Variants in FCRL1 observed in about 807,000 individuals in gnomAD.
FCRL1 encodes the protein Fc receptor-like protein 1.
FCRL1 carries 34 observed loss-of-function variants against 49.2 expected under a neutral mutation model. The ratio of observed to expected loss-of-function variants is 0.69; its 90% confidence interval spans 0.53 to 0.92. The LOEUF (loss-of-function observed/expected upper bound fraction) is 0.92, where lower values mean the gene tolerates loss of function less well. FCRL1 is among the 40% of genes least tolerant of loss of function. The pLI is 0.00. For synonymous variants in FCRL1, 218 were observed against 201.6 expected, an observed-to-expected ratio of 1.08 and a Z score of -0.69; for missense variants, 524 against 524.1, an observed-to-expected ratio of 1.00 and a Z score of 0.00.
intron 2 of FCRL1, among the ~76,000 whole-genome samples, chr1:157,806,303 G>A (rs1028087482): frequency 6.6e-6 from 1 of 152,176 alleles, no homozygotes. Flanking sequence ...AGGGAACTTG[G>A]GAACTTGTGT....
Position 157,801,903 on chromosome 1 carries a change from C to A in FCRL1, c.886+12G>T, listed in dbSNP as rs1474328456. The stretch of plus-strand genomic sequence containing the variant: ...GACATTGACCAAGACAGTTCCATAG[C>A]CTGAGCTATACCTGTGAAGTTGAGT... On this transcript the variant is annotated intron_variant, in intron 5 of 10. Coordinates refer to ENST00000368176, the MANE Select transcript of FCRL1 (RefSeq NM_052938.5). The A allele has an allele frequency of 1.2e-6, 2 of 1,607,342 alleles. No individual in the cohort carries two copies. Among genetic ancestry groups the A allele is most frequent in the Non-Finnish European group, 1.7e-6 (2 of 1,176,606 alleles).
intron 7 of FCRL1, among the ~76,000 whole-genome samples, chr1:157,798,717 A>G (rs1651947241): frequency 6.6e-6 from 1 of 152,198 alleles, no homozygotes; most frequent in African/African-American, 2.4e-5. Context: ...TATTAAAAAG[A>G]CAACTAAACA....
At position 157,802,248 on chromosome 1, in the gene FCRL1, A is replaced by T. The variant is rs12062106; in HGVS notation, c.608-55T>A. On this transcript the variant is annotated intron_variant, in intron 4 of 10. Coordinates refer to ENST00000368176, the MANE Select transcript of FCRL1 (RefSeq NM_052938.5). ...GTCTCTGACAATGCAGCAAACTCAT[A>T]ATCCCTGCCCACCGATGCTCAGCCC... 9.5e-3 allele frequency: 15,069 copies of T among 1,583,588 alleles called. 1,177 individuals carry two copies. In the African/African-American group the frequency reaches 0.17, roughly 18 times the overall value.
intron 1 of FCRL1, among the ~76,000 whole-genome samples, chr1:157,810,631 T>A (rs1654179767): frequency 6.6e-6 from 1 of 152,144 alleles, no homozygotes; most frequent in Non-Finnish European, 1.5e-5. Context: ...TGTCCTGTAT[T>A]TTGATTCTGC....
At chr1:157,797,014 T>C (rs941768011) in intron 10 of FCRL1, 87 bp downstream of exon 10, 104 of 1,389,514 alleles carry the variant, frequency 7.5e-5, no homozygotes, top group Non-Finnish European at 1.0e-4. Context: ...TTTTTGCTCT[T>C]TCTAAGTGGC....
intron 7 of FCRL1, 38 bp from the exon 8 acceptor site, chr1:157,798,281 G>A: frequency 6.6e-7 from 1 of 1,506,194 alleles, no homozygotes; most frequent in Non-Finnish European, 9.1e-7. Flanking sequence ...ATCTGAAATT[G>A]CATCCCAGAT....
chr1:157,800,631 A>G (rs974088983), intron 6 of FCRL1, among the ~76,000 whole-genome samples: 8 of 152,302 alleles, frequency 5.3e-5, no homozygotes, highest in Admixed American at 3.3e-4. Flanking sequence ...AACTCATAAT[A>G]GGAGAGAACA....
rs781633537 is a variant in FCRL1 at position 157,801,497 on chromosome 1, C to G, written c.967G>C (p.Ala323Pro). ...TTGAGGCCGTAGCAAAATAATAAGG[C>G]CACGGTGGCTGGACCAAGGGTGCTG... ...LLSTLGPATV[A>P]LLFCYGLKRK... Residue 323 changes from alanine to proline, a missense_variant, in exon 6 of 11, where the codon GCC (alanine) becomes CCC (proline). Transcript: ENST00000368176. The G allele has an allele frequency of 6.2e-6, 10 of 1,613,804 alleles. No homozygotes were observed. The African/African-American group carries it at 8.0e-5, about 13-fold the overall frequency.
chr1:157,802,012 G>C lies in FCRL1; in HGVS notation c.789C>G (p.Asn263Lys). Residue 263 changes from asparagine (N) to lysine (K), a missense_variant, in exon 5 of 11, where the codon AAC becomes AAG. Physicochemically the swap from Asn to Lys is moderately conservative, Grantham distance 94. Coordinates refer to ENST00000368176, the MANE Select transcript of FCRL1 (RefSeq NM_052938.5). ...CAGAATGTTCTTCAGTCAGGGAAAGGTTGAAGGAGGCTCCTCCTCCAGAGG... is the reference window on the plus strand; with the variant it reads ...CAGAATGTTCTTCAGTCAGGGAAAGCTTGAAGGAGGCTCCTCCTCCAGAGG... Reference protein sequence around the residue: ...SAPSGGGASFNLSLTEEHSGN... With the variant: ...SAPSGGGASFKLSLTEEHSGN... The C allele has an allele frequency of 8.7e-6, 14 of 1,614,226 alleles. No individual in the cohort carries two copies. Among genetic ancestry groups the C allele is most frequent in the Non-Finnish European group, 1.2e-5 (14 of 1,180,032 alleles).
At chr1:157,798,000 C>G in intron 8 of FCRL1, 61 bp from the exon 9 acceptor site, 1 of 1,560,864 alleles carries the variant, frequency 6.4e-7, no homozygotes, top group South Asian at 1.1e-5. Flanking sequence ...TCAAATTACT[C>G]CATACCTTCC....
At chr1:157,817,042 G>A (rs1378857815) in intron 1 of FCRL1, among the ~76,000 whole-genome samples, 1 of 151,922 alleles carries the variant, frequency 6.6e-6, no homozygotes, top group East Asian at 1.9e-4. Flanking sequence ...ACATGTTCAT[G>A]GATTGGAAGA....
rs1651266920 is a variant in FCRL1 at position 157,794,962 on chromosome 1, A to G, written c.*1137T>C. The stretch of plus-strand genomic sequence containing the variant: ...AATGTTTATATACTTACATGTATGC[A>G]TAAGTATACATACAAAAATAGAAAA... On this transcript the variant is annotated 3_prime_UTR_variant, in exon 11 of 11. Transcript: ENST00000368176. The G allele has an allele frequency of 6.6e-6, 1 of 152,260 alleles. No individual in the cohort carries two copies. Among genetic ancestry groups the G allele is most frequent in the African/African-American group, 2.4e-5 (1 of 41,474 alleles). 9.4% of individuals were successfully genotyped at this position (152,260 alleles called of 1,614,324 possible). A position where few individuals can be genotyped will look rare whatever the true frequency, so the allele number is the denominator to read the frequency against.
rs750522417 is a variant in FCRL1 at position 157,803,853 on chromosome 1, T to C, written c.311A>G (p.Asn104Ser). Residue 104 changes from asparagine to serine, a missense_variant, in exon 3 of 11, where the codon AAT becomes AGT. Asn to Ser is a conservative substitution (Grantham distance 46). Transcript: ENST00000368176. ...ACCCCACTGACACTCACTGTGCACA[T>C]TTATCTGGGATCTCCTGCTCCTCAA... ...KVLRSRRSQI[N>S]VHRVPVADVS... 2.5e-6 allele frequency: 4 copies of C among 1,613,896 alleles called. No homozygotes were observed. Among genetic ancestry groups the C allele is most frequent in the Admixed American group, 3.3e-5 (2 of 60,006 alleles).
intron 2 of FCRL1, chr1:157,804,323 G>A (rs1335185156): frequency 5.4e-6 from 3 of 552,614 alleles, no homozygotes. Flanking sequence ...CTGCCCCTGT[G>A]CAGTATTATC....
At position 157,807,142 on chromosome 1, in the gene FCRL1, A is replaced by G; in HGVS notation, c.32-20T>C. ...GTGGAGCTGGGAGAGAATTCAGCAGAGATCAGTACAGAGCAGCAAATCCCA... is the reference window on the plus strand; with the variant it reads ...GTGGAGCTGGGAGAGAATTCAGCAGGGATCAGTACAGAGCAGCAAATCCCA... On this transcript the variant is annotated intron_variant, in intron 1 of 10. Transcript: ENST00000368176. The G allele has an allele frequency of 6.2e-7, 1 of 1,613,254 alleles. No individual in the cohort carries two copies. The highest frequency in any genetic ancestry group is 1.7e-5 in the Admixed American group (1 of 59,904).
At chr1:157,805,203 C>A (rs1042196277) in intron 2 of FCRL1, among the ~76,000 whole-genome samples, 12 of 152,108 alleles carry the variant, frequency 7.9e-5, no homozygotes, top group Non-Finnish European at 1.6e-4. Context: ...GTGCTCTGCT[C>A]TCTCCTCGTC....
In FCRL1 at chr1:157,803,960, G is replaced by A; in HGVS notation, c.204C>T (p.Ser68=). 1 of 1,614,202 alleles carries A rather than the reference G, an allele frequency of 6.2e-7. No homozygotes were observed. The highest frequency in any genetic ancestry group is 8.5e-7 in the Non-Finnish European group (1 of 1,180,036). The change falls in exon 3 of 11, where the codon TCC becomes TCT. Residue 68 remains serine, a synonymous_variant. Coordinates refer to ENST00000368176, the MANE Select transcript of FCRL1 (RefSeq NM_052938.5). ...ACATGGCAGCGATCTGGAGCTTGGG[G>A]GAGCTGCTCCAGCCTGGGCCCAAGG... The part of the protein sequence containing the change: ...TRALGPGWSS[S]PKLQIAAMWK...
At chr1:157,810,925 C>A (rs1448479900) in intron 1 of FCRL1, among the ~76,000 whole-genome samples, 1 of 152,024 alleles carries the variant, frequency 6.6e-6, no homozygotes, top group Non-Finnish European at 1.5e-5. Context: ...CAGGCATGTG[C>A]CACAATGCCA....
intron 10 of FCRL1, among the ~76,000 whole-genome samples, chr1:157,796,667 C>T (rs1651539545): frequency 6.6e-6 from 1 of 152,168 alleles, no homozygotes; most frequent in Non-Finnish European, 1.5e-5. Flanking sequence ...TTGAATTATT[C>T]AAAGTTTACC....
Sources: gnomAD v4.1 joint callset for allele counts (sites outside exome capture counted in the v4.1 genomes callset) on GRCh38, gnomAD v4.1.1 for gene constraint, MANE v1.5 for transcripts, NCBI Gene and HGNC (gene_info 2026-07-23, HGNC 2026-07-21) for gene names.